The following DPP10 variants were observed in gnomAD, a reference collection of about 807,000 sequenced individuals.
DPP10 encodes dipeptidyl peptidase like 10.
DPP10 carries 33 observed loss-of-function variants against 120.9 expected under a neutral mutation model. That is an observed-to-expected ratio of 0.27 (90% confidence interval 0.21 to 0.37). DPP10 has a LOEUF of 0.37. Ranked by LOEUF, DPP10 falls within the 10% of genes least tolerant of loss-of-function variation. The pLI is 1.00. For synonymous variants in DPP10, 337 were observed against 326.1 expected (o/e 1.03, Z -0.36); for missense variants, 816 against 942.8 (o/e 0.87, Z 1.76).
intron 5 of DPP10, among the ~76,000 whole-genome samples, chr2:115,684,704 C>G (rs1258728548): frequency 6.6e-6 from 1 of 151,826 alleles, no homozygotes; most frequent in Non-Finnish European, 1.5e-5. Context: ...ATACACTGCT[C>G]TTTTTTCTTT....
At chr2:115,272,858 C>T (rs950188527) in intron 1 of DPP10, among the ~76,000 whole-genome samples, 23 of 152,172 alleles carry the variant, frequency 1.5e-4, no homozygotes, top group Admixed American at 7.8e-4. Flanking sequence ...TTCCATGTTC[C>T]GTTTCTTTTC....
intron 19 of DPP10, among the ~76,000 whole-genome samples, chr2:115,792,502 T>C (rs561508970): frequency 3.3e-5 from 5 of 152,236 alleles, no homozygotes; most frequent in African/African-American, 1.2e-4. Flanking sequence ...TAATTCTAAT[T>C]ATTGAGCTTT....
intron 1 of DPP10, among the ~76,000 whole-genome samples, chr2:114,887,903 G>GT: frequency 6.6e-6 from 1 of 152,168 alleles, no homozygotes; most frequent in Non-Finnish European, 1.5e-5. Flanking sequence ...ACTTTGGGAG[G>GT]CTGAGGCGGG....
intron 1 of DPP10, among the ~76,000 whole-genome samples, chr2:114,567,898 AT>A (rs1266927178): frequency 6.6e-6 from 1 of 152,084 alleles, no homozygotes; most frequent in Non-Finnish European, 1.5e-5. Context: ...ATCAGGAAAA[AT>A]AGCTAATGCA....
chr2:115,630,968 A>G (rs1487593643), intron 5 of DPP10, among the ~76,000 whole-genome samples: 1 of 151,198 alleles, frequency 6.6e-6, no homozygotes, highest in Non-Finnish European at 1.5e-5. Context: ...CAATAGTTTC[A>G]GAAGAAGTGG....
chr2:115,586,060 C>T (rs780012088), intron 5 of DPP10, among the ~76,000 whole-genome samples: 7 of 152,022 alleles, frequency 4.6e-5, no homozygotes, highest in African/African-American at 9.7e-5. Flanking sequence ...TGGTGGCTCA[C>T]GCCTGTAATC....
chr2:115,103,623 G>A (rs1425035655), intron 1 of DPP10, among the ~76,000 whole-genome samples: 1 of 152,178 alleles, frequency 6.6e-6, no homozygotes, highest in Non-Finnish European at 1.5e-5. Flanking sequence ...AGATGATTAT[G>A]CATGGGAAGT....
chr2:114,748,600 G>A (rs1167870488), intron 1 of DPP10, among the ~76,000 whole-genome samples: 18 of 84,586 alleles, frequency 2.1e-4, no homozygotes, highest in Admixed American at 3.3e-4. Context: ...TCCCCTTCCT[G>A]TGTCCATGTG....
chr2:115,766,404 C>T (rs1309621284), intron 12 of DPP10, among the ~76,000 whole-genome samples: 1 of 142,724 alleles, frequency 7.0e-6, no homozygotes, highest in Non-Finnish European at 1.5e-5. Context: ...ATGGAAAAAA[C>T]CTCAATTAAT....
Position 115,123,488 on chromosome 2 carries a change from T to C in DPP10, c.61-185751T>C, listed in dbSNP as rs2049925186. On this transcript the variant is annotated intron_variant, in intron 1 of 25. Transcript: ENST00000410059. ...ATGCTCATTTGAGGCATTTTTCCCTTATCAATCAACTGTTCCTAAAGGAAG... is the reference window on the plus strand; with the variant it reads ...ATGCTCATTTGAGGCATTTTTCCCTCATCAATCAACTGTTCCTAAAGGAAG... 3.3e-5 allele frequency among the ~76,000 whole-genome samples: 5 copies of C among 152,196 alleles called. No homozygotes were observed. The South Asian group carries it at 1.0e-3, about 32-fold the overall frequency.
intron 1 of DPP10, among the ~76,000 whole-genome samples, chr2:114,534,992 G>A (rs946996067): frequency 1.3e-5 from 2 of 151,734 alleles, no homozygotes; most frequent in African/African-American, 4.8e-5. Flanking sequence ...TAACTTTCTC[G>A]GCTCTATCAA....
chr2:114,776,405 C>T (rs1185313462), intron 1 of DPP10, among the ~76,000 whole-genome samples: 1 of 152,064 alleles, frequency 6.6e-6, no homozygotes, highest in African/African-American at 2.4e-5. Flanking sequence ...AAAACAGTTA[C>T]ATTCATACCT....
At chr2:115,058,219 A>G (rs1046151256) in intron 1 of DPP10, among the ~76,000 whole-genome samples, 4 of 142,548 alleles carry the variant, frequency 2.8e-5, no homozygotes, top group Non-Finnish European at 6.0e-5. Flanking sequence ...CTAATTTGTC[A>G]GCCTTTCTTC....
Position 114,564,042 on chromosome 2 carries a change from C to T in DPP10, c.60+121204C>T, listed in dbSNP as rs114792732. 1.9e-3 allele frequency among the ~76,000 whole-genome samples: 283 copies of T among 152,294 alleles called. 1 individual carries two copies. The highest frequency in any genetic ancestry group is 6.1e-3 in the African/African-American group (255 of 41,562). On this transcript the variant is annotated intron_variant, in intron 1 of 25. Coordinates refer to ENST00000410059, the MANE Select transcript of DPP10 (RefSeq NM_020868.6). ...CTGGGTTGGCCACAATGTCCTCCTT[C>T]GCCTTCCAGCAATCGATTCCTTTGT...
chr2:114,778,484 A>T (rs1681966993), intron 1 of DPP10, among the ~76,000 whole-genome samples: 1 of 152,116 alleles, frequency 6.6e-6, no homozygotes, highest in South Asian at 2.1e-4. Context: ...TATTTATGTT[A>T]CAGTAAACTT....
intron 5 of DPP10, among the ~76,000 whole-genome samples, chr2:115,623,998 T>A (rs1446828892): frequency 6.6e-6 from 1 of 152,178 alleles, no homozygotes; most frequent in Non-Finnish European, 1.5e-5. Context: ...GACCTTTTAA[T>A]CTTGAAATTT....
chr2:115,583,640 G>A (rs1558882765), intron 5 of DPP10, among the ~76,000 whole-genome samples: 1 of 152,294 alleles, frequency 6.6e-6, no homozygotes, highest in East Asian at 1.9e-4. Flanking sequence ...AACAGGTAGT[G>A]TAGCAAAATT....
At position 115,382,424 on chromosome 2, in the gene DPP10, C is replaced by G. The variant is rs533059947; in HGVS notation, c.271+38512C>G. ...GCCTCGCCCTGCTTCGGCTCGCGCA[C>G]AGTGCGCGCACCCACTGACCTGCAC... On this transcript the variant is annotated intron_variant, in intron 3 of 25. Coordinates refer to ENST00000410059, the MANE Select transcript of DPP10 (RefSeq NM_020868.6). Among the ~76,000 whole-genome samples the G allele has an allele frequency of 2.4e-3, 368 of 152,332 alleles. 2 individuals carry two copies. Among genetic ancestry groups the G allele is most frequent in the Non-Finnish European group, 3.8e-3 (258 of 68,030 alleles).
intron 1 of DPP10, among the ~76,000 whole-genome samples, chr2:114,621,592 G>GT (rs1015861389): frequency 1.3e-5 from 2 of 151,882 alleles, no homozygotes; most frequent in Non-Finnish European, 2.9e-5. Context: ...TTGCAAGTAG[G>GT]TTTTTTGTGT....
Sources: allele counts gnomAD v4.1 joint callset (sites outside exome capture counted in the v4.1 genomes callset), GRCh38; gene constraint gnomAD v4.1.1; transcripts MANE v1.5; gene names NCBI Gene and HGNC (gene_info 2026-07-23, HGNC 2026-07-21).